FAM13A: variants seen among roughly 807,000 people sequenced by gnomAD.
The protein encoded by FAM13A is family with sequence similarity 13 member A, also known as protein FAM13A.
In FAM13A, 76 loss-of-function variants were observed where a neutral mutation model predicts 129.6. That is an observed-to-expected ratio of 0.59 (90% CI 0.49 to 0.71). The LOEUF is 0.71. Among genes scored for constraint, FAM13A ranks in the 30% least tolerant of loss-of-function variants. The probability of loss-of-function intolerance (pLI) is 0.00; values close to 1 mark genes in which losing one functional copy is unlikely to be tolerated. For missense variants in FAM13A, 1,108 were observed against 1,249.3 expected (o/e 0.89, Z 1.70); for synonymous variants, 443 against 449.9 (o/e 0.98, Z 0.20).
At chr4:89,031,770 T>C (rs961079082) in intron 1 of FAM13A, among the ~76,000 whole-genome samples, 1 of 152,246 alleles carries the variant, frequency 6.6e-6, no homozygotes, top group Non-Finnish European at 1.5e-5. Context: ...GATGACCTAA[T>C]AACTATTCTC....
chr4:89,031,806 TGTAA>T (rs1418825761), intron 1 of FAM13A, among the ~76,000 whole-genome samples: 1 of 152,230 alleles, frequency 6.6e-6, no homozygotes, highest in Non-Finnish European at 1.5e-5. Context: ...TTCTAAAATC[TGTAA>T]GTATGACCTT....
rs768704104 is a variant in FAM13A at position 88,750,473 on chromosome 4, C to G, written c.1891G>C (p.Asp631His). 6.2e-7 allele frequency: 1 copy of G among 1,614,160 alleles called. No individual in the cohort carries two copies. Among genetic ancestry groups the G allele is most frequent in the Non-Finnish European group, 8.5e-7 (1 of 1,180,018 alleles). ...GGGGAAGGAGGCACTTCTGTGTCAT[C>G]CAGGTATTGCCTGCTCTGCCCATAA... ...YAYGQSRQYL[D>H]DTEVPPSPPN... Residue 631 changes from aspartate to histidine, a missense_variant, in exon 15 of 24, where the codon GAT becomes CAT. Asp to His is a moderately conservative substitution (Grantham distance 81). Around this residue, in one of 3 missense-constraint regions of FAM13A, gnomAD observed 529 missense variants for 621.2 expected, o/e 0.85. Coordinates refer to ENST00000264344, the MANE Select transcript of FAM13A (RefSeq NM_014883.4).
chr4:88,867,713 G>T (rs1030823319), intron 6 of FAM13A, among the ~76,000 whole-genome samples: 16 of 152,164 alleles, frequency 1.1e-4, no homozygotes, highest in African/African-American at 3.6e-4. Context: ...AATGAAGCAA[G>T]TTGGAGAAGG....
At chr4:89,001,318 C>G (rs1255129507) in intron 3 of FAM13A, among the ~76,000 whole-genome samples, 1 of 152,162 alleles carries the variant, frequency 6.6e-6, no homozygotes, top group East Asian at 1.9e-4. Flanking sequence ...AGGCTTTGTG[C>G]TGCTGATTGA....
At chr4:88,966,507 T>C (rs1391519156) in intron 4 of FAM13A, among the ~76,000 whole-genome samples, 1 of 152,180 alleles carries the variant, frequency 6.6e-6, no homozygotes, top group African/African-American at 2.4e-5. Flanking sequence ...TGGTTAATCC[T>C]TTTTGCCTGG....
At chr4:89,047,594 C>T (rs1420687757) in intron 1 of FAM13A, among the ~76,000 whole-genome samples, 1 of 152,126 alleles carries the variant, frequency 6.6e-6, no homozygotes, top group Non-Finnish European at 1.5e-5. Flanking sequence ...ATGAAGTGTA[C>T]TTAAGAATAG....
Position 88,912,146 on chromosome 4 carries a change from G to A in FAM13A, c.760-5684C>T, listed in dbSNP as rs192896272. Among the ~76,000 whole-genome samples the A allele has an allele frequency of 4.6e-3, 708 of 152,290 alleles. 1 individual carries two copies. Among genetic ancestry groups the A allele is most frequent in the Non-Finnish European group, 8.4e-3 (573 of 68,022 alleles). ...GACTAAATGAAGAGATGTCCAAAGA[G>A]TTGGCAAAACATTATTTCTGGGTAT... On this transcript the variant is annotated intron_variant, in intron 5 of 23. Transcript: ENST00000264344.
chr4:88,758,401 A>G (rs1744129452), intron 14 of FAM13A, among the ~76,000 whole-genome samples: 1 of 152,108 alleles, frequency 6.6e-6, no homozygotes, highest in African/African-American at 2.4e-5. Context: ...CACAGAAGGT[A>G]GAAATCCTAA....
chr4:88,729,834 T>C lies in FAM13A; in HGVS notation c.2946-1175A>G, dbSNP rs537765175. The C allele has an allele frequency of 2.0e-4, 31 of 152,336 alleles. 1 individual carries two copies. Among genetic ancestry groups the C allele is most frequent in the African/African-American group, 7.5e-4 (31 of 41,588 alleles). The allele number at this position is 152,336 out of a possible 1,614,324, so 9.4% of individuals were successfully genotyped here. On this transcript the variant is annotated intron_variant, in intron 23 of 23. Coordinates refer to ENST00000264344, the MANE Select transcript of FAM13A (RefSeq NM_014883.4). Reference sequence around the variant, plus strand: ...TGACTTAGAATAATATAAAAAAGGATAAGCCAAAAAATAGGCTTAGATGAA... The same window carrying C: ...TGACTTAGAATAATATAAAAAAGGACAAGCCAAAAAATAGGCTTAGATGAA...
At chr4:88,855,137 G>C (rs1229839249) in intron 6 of FAM13A, among the ~76,000 whole-genome samples, 1 of 152,090 alleles carries the variant, frequency 6.6e-6, no homozygotes, top group African/African-American at 2.4e-5. Context: ...TATATACTTG[G>C]TTACATGTTA....
intron 5 of FAM13A, among the ~76,000 whole-genome samples, chr4:88,925,724 A>T (rs1752028938): frequency 6.6e-6 from 1 of 151,998 alleles, no homozygotes; most frequent in Admixed American, 6.6e-5. Flanking sequence ...ATAAAAATAA[A>T]AAAAGAGAAA....
intron 4 of FAM13A, among the ~76,000 whole-genome samples, chr4:88,957,048 G>A (rs1176627072): frequency 2.6e-5 from 4 of 152,038 alleles, no homozygotes; most frequent in African/African-American, 7.2e-5. Flanking sequence ...TGTGTGGGTC[G>A]GGTGCAGTGG....
chr4:88,748,529 T>C (rs1276127569), intron 17 of FAM13A, among the ~76,000 whole-genome samples: 1 of 152,204 alleles, frequency 6.6e-6, no homozygotes, highest in Non-Finnish European at 1.5e-5. Context: ...AGGTTCACTT[T>C]GTATTCTATT....
intron 2 of FAM13A, among the ~76,000 whole-genome samples, chr4:89,026,287 C>T (rs748622949): frequency 1.9e-4 from 29 of 152,174 alleles, no homozygotes; most frequent in Non-Finnish European, 3.8e-4. Context: ...CTTCCATCTT[C>T]CTGTCATGCT....
Position 88,904,574 on chromosome 4 carries a change from C to T in FAM13A, c.843+1805G>A, listed in dbSNP as rs148368511. Among the ~76,000 whole-genome samples the T allele has an allele frequency of 3.0e-4, 46 of 152,266 alleles. 2 individuals are homozygous for T. The highest frequency in any genetic ancestry group is 1.1e-3 in the African/African-American group (45 of 41,560). On this transcript the variant is annotated intron_variant, in intron 6 of 23. Coordinates refer to ENST00000264344, the MANE Select transcript of FAM13A (RefSeq NM_014883.4). Reference sequence around the variant, plus strand: ...AAATGGGAGCTGAATCATGAGACCACATGGACACCGGGAGGGGAATAACAC... The same window carrying T: ...AAATGGGAGCTGAATCATGAGACCATATGGACACCGGGAGGGGAATAACAC...
chr4:88,970,966 C>T (rs1425351303), intron 4 of FAM13A, among the ~76,000 whole-genome samples: 2 of 152,136 alleles, frequency 1.3e-5, no homozygotes, highest in Admixed American at 1.3e-4. Flanking sequence ...CCCAGCACTT[C>T]GGGAGGCCGA....
chr4:88,744,697 G>A (rs1740941098), intron 19 of FAM13A, among the ~76,000 whole-genome samples: 1 of 152,114 alleles, frequency 6.6e-6, no homozygotes, highest in Admixed American at 6.5e-5. Flanking sequence ...CAGGGTCCAT[G>A]GTAACACCAC....
At chr4:88,733,118 A>C (rs1367296953) in intron 21 of FAM13A, among the ~76,000 whole-genome samples, 1 of 152,228 alleles carries the variant, frequency 6.6e-6, no homozygotes, top group South Asian at 2.1e-4. Context: ...ATTACAGGTA[A>C]ACCAAATGGT....
At chr4:88,823,123 C>T in intron 7 of FAM13A, 12 of 1,526,414 alleles carry the variant, frequency 7.9e-6, no homozygotes, top group Non-Finnish European at 1.1e-5. Flanking sequence ...TGAGGCTGCA[C>T]CGCACGGCTG....
Sources: allele counts gnomAD v4.1 joint callset (sites outside exome capture counted in the v4.1 genomes callset), GRCh38; gene constraint gnomAD v4.1.1; regional missense constraint gnomAD v4.1.1; transcripts MANE v1.5; gene names NCBI Gene and HGNC (gene_info 2026-07-23, HGNC 2026-07-21).